Variants in ATRN observed in about 807,000 individuals in gnomAD.
ATRN encodes attractin, also known as attractin-2.
ATRN carries 54 observed loss-of-function variants against 178.7 expected under a neutral mutation model. The ratio of observed to expected loss-of-function variants is 0.30; its 90% CI spans 0.24 to 0.38. The LOEUF (loss-of-function observed/expected upper bound fraction) is 0.38. Among genes scored for constraint, ATRN ranks in the 10% least tolerant of loss-of-function variants. The pLI is 1.00. For synonymous variants in ATRN, 636 were observed against 663.0 expected (o/e 0.96, Z 0.63); for missense variants, 1,443 against 1,815.1 (o/e 0.79, Z 3.73).
At chr20:3,506,778 C>T (rs1029561700) in intron 1 of ATRN, among the ~76,000 whole-genome samples, 1 of 151,746 alleles carries the variant, frequency 6.6e-6, no homozygotes, top group Non-Finnish European at 1.5e-5. Context: ...TGATTAGTAT[C>T]TTTATTAGAA....
At chr20:3,584,457 G>A (rs2086327679) in intron 17 of ATRN, among the ~76,000 whole-genome samples, 190 bp from the exon 18 acceptor site, 1 of 152,142 alleles carries the variant, frequency 6.6e-6, no homozygotes, top group Non-Finnish European at 1.5e-5. Flanking sequence ...ATTGAGAGAG[G>A]AGGGAAGGGT....
intron 1 of ATRN, among the ~76,000 whole-genome samples, chr20:3,504,692 A>G (rs1411189553): frequency 2.7e-3 from 35 of 13,070 alleles, no homozygotes; most frequent in Middle Eastern, 0.077. Flanking sequence ...TCTTAAGATA[A>G]TAATAATAAT....
intron 1 of ATRN, among the ~76,000 whole-genome samples, chr20:3,472,864 T>C (rs2146049930): frequency 6.6e-6 from 1 of 152,312 alleles, no homozygotes; most frequent in Admixed American, 6.5e-5. Context: ...TTGTGGAGGC[T>C]GGAAAGTAAA....
chr20:3,477,979 C>G (rs2084553337), intron 1 of ATRN, among the ~76,000 whole-genome samples: 1 of 152,152 alleles, frequency 6.6e-6, no homozygotes, highest in Non-Finnish European at 1.5e-5. Context: ...TTTGTACTTC[C>G]TTATTTGTTT....
At chr20:3,626,246 A>G (rs2146316483) in intron 25 of ATRN, among the ~76,000 whole-genome samples, 1 of 152,086 alleles carries the variant, frequency 6.6e-6, no homozygotes, top group Admixed American at 6.5e-5. Context: ...AAAAAAAAAA[A>G]AAAAAGTCTG....
chr20:3,585,137 T>C (rs1319064774), intron 18 of ATRN, among the ~76,000 whole-genome samples: 1 of 152,156 alleles, frequency 6.6e-6, no homozygotes, highest in Non-Finnish European at 1.5e-5. Context: ...CACTCAGCAA[T>C]GTGTCTGTGG....
At chr20:3,506,051 C>T (rs1199889229) in intron 1 of ATRN, among the ~76,000 whole-genome samples, 1 of 149,622 alleles carries the variant, frequency 6.7e-6, no homozygotes, top group African/African-American at 2.6e-5. Context: ...ATAGACTTGA[C>T]ACACTGACAC....
intron 25 of ATRN, among the ~76,000 whole-genome samples, chr20:3,633,921 CTT>C (rs2087006669): frequency 1.3e-5 from 2 of 152,192 alleles, no homozygotes; most frequent in Non-Finnish European, 2.9e-5. Context: ...TAATAATTAA[CTT>C]TTTCACCTTC....
chr20:3,587,493 A>G (rs559940090), intron 18 of ATRN, among the ~76,000 whole-genome samples: 106 of 149,100 alleles, frequency 7.1e-4, no homozygotes, highest in Admixed American at 4.4e-3. Context: ...TTTTTTTTTT[A>G]ACCATTGAAT....
intron 7 of ATRN, 115 bp from the exon 8 acceptor site, chr20:3,560,547 A>G: frequency 1.1e-6 from 1 of 878,670 alleles, no homozygotes; most frequent in Non-Finnish European, 1.7e-6. Flanking sequence ...TTCTATTTTT[A>G]GTTTCTTGAC....
intron 24 of ATRN, chr20:3,616,044 TAAA>T (rs5840003): frequency 1.5e-4 from 22 of 148,992 alleles, no homozygotes; most frequent in South Asian, 1.3e-3. Context: ...AAAGTATAAT[TAAA>T]AAAAAAAAAA....
intron 1 of ATRN, among the ~76,000 whole-genome samples, chr20:3,502,466 C>T (rs1298377598): frequency 1.3e-5 from 2 of 152,130 alleles, no homozygotes; most frequent in Non-Finnish European, 2.9e-5. Context: ...CACCTAGACC[C>T]GGTGTTTCCT....
In ATRN at chr20:3,512,109, T is replaced by TATA. The variant is rs1376194007; in HGVS notation, c.411-23144_411-23143insATA. 3.4e-3 allele frequency among the ~76,000 whole-genome samples: 336 copies of TATA among 99,878 alleles called. 3 individuals carry two copies. Among genetic ancestry groups the TATA allele is most frequent in the Non-Finnish European group, 5.4e-3 (260 of 48,430 alleles). 65.5% of individuals were successfully genotyped at this position (99,878 alleles called of 152,430 possible). A position where few individuals can be genotyped will look rare whatever the true frequency, so the allele number is the denominator to read the frequency against. ...TTTATATATATATATATATATATAT[T>TATA]TTTTTTTTTTATTATACTTTAAGTT... On this transcript the variant is annotated intron_variant, in intron 1 of 28. Coordinates refer to ENST00000262919, the MANE Select transcript of ATRN (RefSeq NM_139321.3).
chr20:3,565,215 T>C, intron 10 of ATRN, 133 bp from the exon 11 acceptor site: 1 of 657,638 alleles, frequency 1.5e-6, no homozygotes, highest in Non-Finnish European at 2.6e-6. Context: ...CCAGAAATGA[T>C]GTTGTAACTG....
At chr20:3,486,475 T>C (rs1384309881) in intron 1 of ATRN, among the ~76,000 whole-genome samples, 2 of 152,202 alleles carry the variant, frequency 1.3e-5, no homozygotes, top group African/African-American at 2.4e-5. Context: ...TGGTGTGATC[T>C]TGACTCACTG....
chr20:3,490,673 C>T (rs774332176), intron 1 of ATRN: 36 of 824,936 alleles, frequency 4.4e-5, no homozygotes, highest in Non-Finnish European at 7.6e-5. Flanking sequence ...TTCTCTGAGC[C>T]TTCAGGAGCT....
At chr20:3,579,065 T>G (rs1233046634) in intron 15 of ATRN, among the ~76,000 whole-genome samples, 2 of 152,236 alleles carry the variant, frequency 1.3e-5, no homozygotes, top group Non-Finnish European at 2.9e-5. Flanking sequence ...ATACCTGTTT[T>G]ACCTCTGGAT....
intron 1 of ATRN, among the ~76,000 whole-genome samples, chr20:3,511,065 C>T (rs1353141970): frequency 6.6e-6 from 1 of 151,940 alleles, no homozygotes; most frequent in Non-Finnish European, 1.5e-5. Flanking sequence ...AGTGGAATGG[C>T]GATGAAAGTA....
intron 18 of ATRN, 40 bp from the exon 19 acceptor site, chr20:3,591,129 C>A: frequency 6.5e-7 from 1 of 1,537,388 alleles, no homozygotes; most frequent in Non-Finnish European, 8.8e-7. Flanking sequence ...ACATGCAGTT[C>A]TTCCATGGTA....
Sources: allele counts gnomAD v4.1 joint callset (sites outside exome capture counted in the v4.1 genomes callset), GRCh38; gene constraint gnomAD v4.1.1; transcripts MANE v1.5; gene names NCBI Gene and HGNC (gene_info 2026-07-23, HGNC 2026-07-21).